MCTP1: variants seen among roughly 807,000 people sequenced by gnomAD.
MCTP1 encodes the protein multiple C2 and transmembrane domain containing 1, also known as multiple C2 and transmembrane domain-containing protein 1.
A neutral mutation model predicts 120.6 loss-of-function variants in MCTP1; 69 were observed. The ratio of observed to expected loss-of-function variants is 0.57; its 90% CI spans 0.47 to 0.70. The LOEUF is 0.70. MCTP1 is among the 30% of genes least tolerant of loss of function. The pLI, the probability that MCTP1 is intolerant of heterozygous loss-of-function variation, is 0.00. For missense variants in MCTP1, 1,203 were observed against 1,248.8 expected, an observed-to-expected ratio of 0.96 and a Z score of 0.55; for synonymous variants, 529 against 493.1, an observed-to-expected ratio of 1.07 and a Z score of -0.96.
At chr5:95,170,931 G>A (rs1246543200) in intron 1 of MCTP1, among the ~76,000 whole-genome samples, 1 of 151,904 alleles carries the variant, frequency 6.6e-6, no homozygotes, top group Non-Finnish European at 1.5e-5. Flanking sequence ...ATATTGTTAT[G>A]TGTGAATTTG....
chr5:95,097,517 G>A (rs1756363301), intron 1 of MCTP1, among the ~76,000 whole-genome samples: 1 of 152,228 alleles, frequency 6.6e-6, no homozygotes, highest in Non-Finnish European at 1.5e-5. Flanking sequence ...AGGCTGGAGA[G>A]GTGGGCAGGA....
intron 19 of MCTP1, among the ~76,000 whole-genome samples, chr5:94,738,174 T>C (rs529887140): frequency 6.6e-6 from 1 of 152,320 alleles, no homozygotes; most frequent in East Asian, 1.9e-4. Context: ...CCTCATCTTC[T>C]AGTTAATTTA....
intron 3 of MCTP1, among the ~76,000 whole-genome samples, chr5:94,952,873 C>T (rs1820974346): frequency 6.6e-6 from 1 of 152,114 alleles, no homozygotes; most frequent in South Asian, 2.1e-4. Context: ...AATTTTTAAA[C>T]AGAAAGACTG....
intron 1 of MCTP1, among the ~76,000 whole-genome samples, chr5:95,048,709 T>C (rs1181658599): frequency 6.6e-6 from 1 of 152,202 alleles, no homozygotes. Context: ...GACTCGATTC[T>C]GAGTTTCCTT....
intron 5 of MCTP1, among the ~76,000 whole-genome samples, chr5:94,936,632 C>T (rs1185044717): frequency 5.9e-5 from 9 of 151,974 alleles, no homozygotes; most frequent in Admixed American, 1.3e-4. Flanking sequence ...ATACAGATGC[C>T]TACAAATGGT....
At chr5:95,010,332 C>T (rs930020459) in intron 2 of MCTP1, among the ~76,000 whole-genome samples, 7 of 151,980 alleles carry the variant, frequency 4.6e-5, no homozygotes, top group African/African-American at 1.7e-4. Flanking sequence ...CCCATAATTC[C>T]GGTTCAAGCT....
intron 1 of MCTP1, among the ~76,000 whole-genome samples, chr5:95,229,426 A>G (rs1420542456): frequency 6.6e-6 from 1 of 152,182 alleles, no homozygotes; most frequent in Non-Finnish European, 1.5e-5. Flanking sequence ...ATTTGCAAGT[A>G]CTGCCACCAT....
At chr5:95,042,484 T>C (rs1842519590) in intron 1 of MCTP1, among the ~76,000 whole-genome samples, 1 of 152,224 alleles carries the variant, frequency 6.6e-6, no homozygotes, top group African/African-American at 2.4e-5. Flanking sequence ...TGATACATCA[T>C]CTTCTTAAAA....
intron 18 of MCTP1, among the ~76,000 whole-genome samples, chr5:94,783,212 T>C (rs1399104335): frequency 6.6e-6 from 1 of 152,134 alleles, no homozygotes. Flanking sequence ...GCCAGCTACA[T>C]TGCAGCCAGA....
chr5:95,084,533 G>A (rs1007857767), intron 1 of MCTP1, among the ~76,000 whole-genome samples: 3 of 150,672 alleles, frequency 2.0e-5, no homozygotes, highest in African/African-American at 7.3e-5. Context: ...AAGGTCTTTG[G>A]GTGTTTTTTT....
At chr5:95,194,301 C>T (rs981710031) in intron 1 of MCTP1, among the ~76,000 whole-genome samples, 7 of 152,038 alleles carry the variant, frequency 4.6e-5, no homozygotes, top group Non-Finnish European at 8.8e-5. Context: ...ACACCTAATG[C>T]TAATAAGTGG....
chr5:95,071,988 A>T (rs1418030687), intron 1 of MCTP1, among the ~76,000 whole-genome samples: 1 of 152,028 alleles, frequency 6.6e-6, no homozygotes, highest in African/African-American at 2.4e-5. Flanking sequence ...AGAAAAATAA[A>T]TTTTCCTTTA....
intron 10 of MCTP1, among the ~76,000 whole-genome samples, chr5:94,899,112 G>C (rs1294035947): frequency 2.0e-5 from 3 of 152,234 alleles, no homozygotes; most frequent in Non-Finnish European, 2.9e-5. Flanking sequence ...GCAAAGAGCA[G>C]TAGGGTGTGC....
chr5:95,209,043 T>C (rs1752014380), intron 1 of MCTP1, among the ~76,000 whole-genome samples: 1 of 152,180 alleles, frequency 6.6e-6, no homozygotes, highest in African/African-American at 2.4e-5. Flanking sequence ...AACAGACCTT[T>C]ATCACTCTTA....
intron 1 of MCTP1, among the ~76,000 whole-genome samples, chr5:95,074,598 G>C (rs1245486738): frequency 6.6e-6 from 1 of 152,122 alleles, no homozygotes. Flanking sequence ...ACCAATCTTA[G>C]GTGTGCACAA....
At chr5:94,882,398 A>T (rs1265316976) in intron 12 of MCTP1, among the ~76,000 whole-genome samples, 7 of 152,026 alleles carry the variant, frequency 4.6e-5, no homozygotes, top group Non-Finnish European at 1.0e-4. Context: ...ACTATCGTTT[A>T]ACCCAAGTAT....
chr5:95,082,609 T>C (rs2068723463), intron 1 of MCTP1, among the ~76,000 whole-genome samples: 3 of 152,156 alleles, frequency 2.0e-5, no homozygotes, highest in Admixed American at 2.0e-4. Flanking sequence ...ATTAAAAAAG[T>C]AAAGAAACAT....
At chr5:95,194,961 G>C (rs1750219766) in intron 1 of MCTP1, among the ~76,000 whole-genome samples, 1 of 152,168 alleles carries the variant, frequency 6.6e-6, no homozygotes, top group South Asian at 2.1e-4. Flanking sequence ...ATAAGAAACT[G>C]CTGGAAAGCT....
At chr5:94,978,838 G>A (rs1828726592) in intron 2 of MCTP1, 1 of 152,050 alleles carries the variant, frequency 6.6e-6, no homozygotes, top group Non-Finnish European at 1.5e-5. Context: ...TAAGAGTGTA[G>A]ATCTCATGTT....
Sources: gnomAD v4.1 joint callset for allele counts (sites outside exome capture counted in the v4.1 genomes callset) on GRCh38, gnomAD v4.1.1 for gene constraint, MANE v1.5 for transcripts, NCBI Gene and HGNC (gene_info 2026-07-23, HGNC 2026-07-21) for gene names.